PCDH7: variants seen among roughly 807,000 people sequenced by gnomAD.
PCDH7 encodes the protein protocadherin-7.
Under a neutral mutation model 58.9 loss-of-function variants are expected in PCDH7, and 17 were observed. That is an observed-to-expected ratio of 0.29 (90% confidence interval 0.20 to 0.43). The LOEUF is 0.43. Ranked by LOEUF, PCDH7 falls within the 20% of genes least tolerant of loss-of-function variation. The pLI is 1.00. For synonymous variants in PCDH7, 664 were observed against 616.4 expected (o/e 1.08, Z -1.14); for missense variants, 1,274 against 1,441.0 (o/e 0.88, Z 1.88).
chr4:30,843,970 A>G (rs1351999429), intron 1 of PCDH7, among the ~76,000 whole-genome samples: 1 of 152,226 alleles, frequency 6.6e-6, no homozygotes. Flanking sequence ...AGTAACAAGG[A>G]GCAAATGTCA....
At chr4:30,812,323 G>C (rs1321108420) in intron 1 of PCDH7, among the ~76,000 whole-genome samples, 1 of 151,934 alleles carries the variant, frequency 6.6e-6, no homozygotes, top group Non-Finnish European at 1.5e-5. Flanking sequence ...TTGTTTTATT[G>C]TTATCCTTAA....
At chr4:31,017,082 C>T (rs1382288682) in intron 3 of PCDH7, among the ~76,000 whole-genome samples, 2 of 152,030 alleles carry the variant, frequency 1.3e-5, no homozygotes, top group Non-Finnish European at 2.9e-5. Context: ...TTAAGAGAAG[C>T]GTTAGCAATG....
At chr4:31,114,640 C>CAT (rs1373670646) in intron 3 of PCDH7, among the ~76,000 whole-genome samples, 4 of 148,394 alleles carry the variant, frequency 2.7e-5, no homozygotes, top group Non-Finnish European at 5.9e-5. Flanking sequence ...CAAACACACA[C>CAT]ACACACACAC....
At position 31,095,628 on chromosome 4, in the gene PCDH7, G is replaced by A. The variant is rs114123016; in HGVS notation, c.*8-46845G>A. On this transcript the variant is annotated intron_variant, in intron 3 of 3. Transcript: ENST00000509759. ...TTTAAAAGAAGACTCCTCTCCTGGTGAATAAGAGCTAGGTCCTGTCAGAGA... is the reference window on the plus strand; with the variant it reads ...TTTAAAAGAAGACTCCTCTCCTGGTAAATAAGAGCTAGGTCCTGTCAGAGA... Among the ~76,000 whole-genome samples the A allele has an allele frequency of 8.1e-3, 1,230 of 152,248 alleles. 15 individuals are homozygous for A. Among genetic ancestry groups the A allele is most frequent in the African/African-American group, 0.029 (1,187 of 41,548 alleles).
intron 1 of PCDH7, among the ~76,000 whole-genome samples, chr4:30,782,411 T>C (rs1020038163): frequency 5.9e-5 from 9 of 152,210 alleles, no homozygotes; most frequent in African/African-American, 2.2e-4. Context: ...TGAGCTTCTG[T>C]TTCAAGTGTA....
intron 2 of PCDH7, among the ~76,000 whole-genome samples, chr4:30,933,432 T>G (rs1378241379): frequency 6.6e-6 from 1 of 152,200 alleles, no homozygotes; most frequent in Non-Finnish European, 1.5e-5. Context: ...ATTCAGTGCT[T>G]CTTTCAGTGT....
chr4:30,955,163 A>G (rs1327438945), intron 3 of PCDH7, among the ~76,000 whole-genome samples: 1 of 152,100 alleles, frequency 6.6e-6, no homozygotes, highest in Non-Finnish European at 1.5e-5. Context: ...TGTGCTTAAA[A>G]ATGTGTGAAT....
chr4:30,774,325 A>T (rs187507726), intron 1 of PCDH7, among the ~76,000 whole-genome samples: 6 of 152,198 alleles, frequency 3.9e-5, no homozygotes. Context: ...CCAAAACCAC[A>T]CTCCATGCCT....
In PCDH7 at chr4:30,927,073, C is replaced by T. The variant is rs138764998; in HGVS notation, c.287+6704C>T. Among the ~76,000 whole-genome samples, 46 of 152,244 alleles carry T rather than the reference C, an allele frequency of 3.0e-4. No homozygotes were observed. In the East Asian group the frequency reaches 6.4e-3, roughly 21 times the overall value. On this transcript the variant is annotated intron_variant, in intron 2 of 3. Coordinates refer to the PCDH7 transcript ENST00000509759. ...GACATTTGAGGAGGGAATGAGCGCT[C>T]ATCAAATCTCAAAGTGACTTTGGAG... is the stretch of plus-strand genomic sequence containing the variant.
At chr4:30,730,699 ATTTCTT>A in intron 1 of PCDH7, 1 of 1,417,976 alleles carries the variant, frequency 7.1e-7, no homozygotes, top group East Asian at 2.3e-5. Context: ...ACTGGGGAAA[ATTTCTT>A]TATCGATTTT....
At position 30,721,354 on chromosome 4, in the gene PCDH7, G is replaced by A. The variant is rs1175864179; in HGVS notation, c.-69G>A. The A allele has an allele frequency of 5.1e-6, 7 of 1,386,030 alleles. No individual in the cohort carries two copies. Among genetic ancestry groups the A allele is most frequent in the African/African-American group, 2.9e-5 (2 of 68,182 alleles). The allele number at this position is 1,386,030 out of a possible 1,614,324, so 85.9% of individuals were successfully genotyped here. A position where few individuals can be genotyped will look rare whatever the true frequency, so the allele number is the denominator to read the frequency against. On this transcript the variant is annotated 5_prime_UTR_variant, in exon 1 of 2. Transcript: ENST00000361762. The surrounding 1 kb of genome is among the most constrained non-coding windows in gnomAD (Gnocchi z 6.7). ...AGGACTCGGGGGAGGGCAGGCGGCC[G>A]GCCCCGGAGGAGGGGGGCGCCGAGG... is the stretch of plus-strand genomic sequence containing the variant.
rs530223092 is a variant in PCDH7 at position 30,845,145 on chromosome 4, G to T, written c.71-75008G>T. On this transcript the variant is annotated intron_variant, in intron 1 of 3. Transcript: ENST00000509759. ...GTGAATTATGCGGTGCTCTAATTGT[G>T]CTATTAGTTTATCTAAGCTAAAATT... Among the ~76,000 whole-genome samples the T allele has an allele frequency of 2.0e-5, 3 of 152,188 alleles. No homozygotes were observed. In the East Asian group the frequency reaches 5.8e-4, roughly 29 times the overall value.
rs11307013 is a variant in PCDH7 at position 30,942,897 on chromosome 4, G to GT, written c.288-7209dup. ...GGTTAAATTTCTGTCTTGAGTAAGT[G>GT]TTTTTTTTTTTTTTCCTGACTATGC... On this transcript the variant is annotated intron_variant, in intron 2 of 3. Transcript: ENST00000509759. 4.5e-3 allele frequency among the ~76,000 whole-genome samples: 641 copies of GT among 143,534 alleles called. 5 individuals are homozygous for GT. Among genetic ancestry groups the GT allele is most frequent in the East Asian group, 0.042 (202 of 4,806 alleles). 94.2% of individuals were successfully genotyped at this position (143,534 alleles called of 152,430 possible). A position where few individuals can be genotyped will look rare whatever the true frequency, so the allele number is the denominator to read the frequency against.
At chr4:30,984,878 A>AC (rs1369786266) in intron 3 of PCDH7, among the ~76,000 whole-genome samples, 1 of 152,184 alleles carries the variant, frequency 6.6e-6, no homozygotes, top group Non-Finnish European at 1.5e-5. Context: ...AATTTTAGTT[A>AC]CATTTGTTTT....
intron 2 of PCDH7, among the ~76,000 whole-genome samples, chr4:30,941,902 A>G (rs955668029): frequency 6.6e-6 from 1 of 151,978 alleles, no homozygotes; most frequent in Non-Finnish European, 1.5e-5. Flanking sequence ...GAAGTTATAA[A>G]ATAAAGAGCT....
In PCDH7 at chr4:30,920,140, T is replaced by C. The variant is rs781581225; in HGVS notation, c.71-13T>C. 2 of 1,365,660 alleles carry C rather than the reference T, an allele frequency of 1.5e-6. No individual in the cohort carries two copies. Among genetic ancestry groups the C allele is most frequent in the Non-Finnish European group, 2.0e-6 (2 of 1,020,376 alleles). The allele number at this position is 1,365,660 out of a possible 1,614,324, so 84.6% of individuals were successfully genotyped here. ...TTACATCGTAGTGACATTCAGAATC[T>C]TTTCTTTTGCAGCCATTTCGTAGAG... On this transcript the variant is annotated splice_polypyrimidine_tract_variant and intron_variant, in intron 1 of 3. Coordinates refer to the PCDH7 transcript ENST00000509759.
At chr4:30,725,421 T>A (rs1714475243) in intron 1 of PCDH7, 1 of 293,006 alleles carries the variant, frequency 3.4e-6, no homozygotes, top group Admixed American at 6.5e-5. Context: ...ATTGAGAATG[T>A]AAAGATTATG....
chr4:31,142,327 C>T (rs1720363839), intron 3 of PCDH7, 146 bp from the exon 3 acceptor site: 3 of 710,088 alleles, frequency 4.2e-6, no homozygotes, highest in Admixed American at 2.9e-5. Flanking sequence ...AAAAACTGTC[C>T]TATGGAATGA....
At chr4:31,114,632 A>C (rs372711107) in intron 3 of PCDH7, among the ~76,000 whole-genome samples, 10 of 143,580 alleles carry the variant, frequency 7.0e-5, no homozygotes, top group African/African-American at 2.1e-4. Flanking sequence ...CACACATACA[A>C]ACACACACAC....
Sources: gnomAD v4.1 joint callset for allele counts (sites outside exome capture counted in the v4.1 genomes callset) on GRCh38, gnomAD v4.1.1 for gene constraint, Gnocchi (gnomAD v3.1) non-coding constraint, MANE v1.5 for transcripts, NCBI Gene and HGNC (gene_info 2026-07-23, HGNC 2026-07-21) for gene names.